Variants in DENND2B observed in about 807,000 individuals in gnomAD.
The protein encoded by DENND2B is DENN domain-containing protein 2B.
A neutral mutation model predicts 116.0 loss-of-function variants in DENND2B; 32 were observed. That is an observed-to-expected ratio of 0.28 (90% CI 0.21 to 0.37). DENND2B has a LOEUF of 0.37. Ranked by LOEUF, DENND2B falls within the 10% of genes least tolerant of loss-of-function variation. The probability of loss-of-function intolerance (pLI) is 1.00; values close to 1 mark genes in which losing one functional copy is unlikely to be tolerated. For missense variants in DENND2B, 1,276 were observed against 1,477.7 expected, an observed-to-expected ratio of 0.86 and a Z score of 2.24; for synonymous variants, 588 against 583.9, an observed-to-expected ratio of 1.01 and a Z score of -0.10.
At chr11:8,808,749 C>T (rs1335636738) in intron 1 of DENND2B, 2 of 152,136 alleles carry the variant, frequency 1.3e-5, no homozygotes, top group Non-Finnish European at 2.9e-5. Context: ...ACTGGCTCCT[C>T]CCAACAGTCC....
intron 5 of DENND2B, among the ~76,000 whole-genome samples, chr11:8,717,333 C>T (rs1039021332): frequency 1.3e-5 from 2 of 152,226 alleles, no homozygotes; most frequent in African/African-American, 2.4e-5. Flanking sequence ...GAGATGACTT[C>T]TGGCAGAGTT....
chr11:8,810,914 A>G (rs867184775), upstream of DENND2B: 3 of 182,478 alleles, frequency 1.6e-5, no homozygotes, highest in Non-Finnish European at 3.3e-5. Context: ...CACTCCTCCT[A>G]CCTCCCTTCC....
intron 2 of DENND2B, among the ~76,000 whole-genome samples, chr11:8,746,291 A>G (rs947490297): frequency 2.0e-5 from 3 of 152,226 alleles, no homozygotes; most frequent in African/African-American, 7.2e-5. Flanking sequence ...ATTTCACTGT[A>G]TCACAAACTG....
intron 1 of DENND2B, among the ~76,000 whole-genome samples, chr11:8,795,569 C>T (rs1018049953): frequency 6.6e-6 from 1 of 152,116 alleles, no homozygotes; most frequent in African/African-American, 2.4e-5. Flanking sequence ...GTTCTGATCC[C>T]GCCCACCCTG....
At chr11:8,870,509 ATGTG>A (rs35041188) in intron 2 of DENND2B, among the ~76,000 whole-genome samples, 21 of 150,032 alleles carry the variant, frequency 1.4e-4, no homozygotes, top group African/African-American at 2.2e-4. Context: ...GTGCGTGTGT[ATGTG>A]TGTGTGTGTG....
intron 1 of DENND2B, among the ~76,000 whole-genome samples, chr11:8,754,029 G>GTGCACACACACACA (rs1555169750): frequency 1.6e-4 from 22 of 138,734 alleles, no homozygotes; most frequent in Non-Finnish European, 2.9e-4. Context: ...CCAAAAGCGC[G>GTGCACACACACACA]CACACACACA....
intron 16 of DENND2B, among the ~76,000 whole-genome samples, chr11:8,698,137 C>CAAAAAAA (rs33975736): frequency 0.03 from 1,191 of 39,776 alleles, 108 homozygotes; most frequent in Middle Eastern, 0.071. Flanking sequence ...ACCCTGTCTC[C>CAAAAAAA]AAAAAAAAAA....
intron 1 of DENND2B, among the ~76,000 whole-genome samples, chr11:8,772,128 TACACAC>T (rs143227157): frequency 5.4e-5 from 8 of 147,250 alleles, no homozygotes; most frequent in East Asian, 4.0e-4. Context: ...ATGGAAGCTC[TACACAC>T]ACACACACAC....
intron 1 of DENND2B, among the ~76,000 whole-genome samples, chr11:8,889,775 T>A (rs1166547587): frequency 6.6e-6 from 1 of 152,132 alleles, no homozygotes; most frequent in Non-Finnish European, 1.5e-5. Context: ...CCACCGCAGC[T>A]CAAGGAGGCC....
At chr11:8,870,184 A>G (rs1380082291) in intron 2 of DENND2B, among the ~76,000 whole-genome samples, 2 of 152,344 alleles carry the variant, frequency 1.3e-5, no homozygotes, top group African/African-American at 2.4e-5. Flanking sequence ...TACTAAGGCA[A>G]ATTTTCTCAC....
In DENND2B at chr11:8,863,269, T is replaced by TC. The variant is rs1209613309; in HGVS notation, c.-249-5834_-249-5833insG. The stretch of plus-strand genomic sequence containing the variant: ...TTAACGCCACTTTCTTTTTTTTTTT[T>TC]TTTTTGAGACCGAGTCTTGCTCTGT... On this transcript the variant is annotated intron_variant, in intron 2 of 6. Coordinates refer to the DENND2B transcript ENST00000524757. Among the ~76,000 whole-genome samples the TC allele has an allele frequency of 8.0e-4, 120 of 149,294 alleles. 4 individuals carry two copies. The East Asian group carries it at 0.018, about 23-fold the overall frequency.
chr11:8,895,528 A>G (rs1412861032), intron 1 of DENND2B: 1 of 152,216 alleles, frequency 6.6e-6, no homozygotes, highest in Admixed American at 6.5e-5. Context: ...TATATGAGGT[A>G]CTTACAGTAG....
chr11:8,800,478 C>A (rs1037987909), intron 1 of DENND2B, among the ~76,000 whole-genome samples: 2 of 152,140 alleles, frequency 1.3e-5, no homozygotes, highest in Non-Finnish European at 2.9e-5. Flanking sequence ...TGGAAGCCTG[C>A]AGAAGTAAAA....
chr11:8,710,753 G>A (rs1216114426), intron 11 of DENND2B, 92 bp downstream of exon 11: 83 of 831,598 alleles, frequency 1.0e-4, no homozygotes, highest in African/African-American at 2.7e-4. Context: ...TTGCAGAAGG[G>A]CACACACACA....
chr11:8,868,079 C>T (rs1411176738), intron 2 of DENND2B, among the ~76,000 whole-genome samples: 2 of 152,092 alleles, frequency 1.3e-5, no homozygotes, highest in African/African-American at 4.8e-5. Flanking sequence ...GGCATTGATC[C>T]ACATACACAT....
intron 15 of DENND2B, 43 bp downstream of exon 15, chr11:8,699,169 TC>T (rs745776054): frequency 1.3e-6 from 2 of 1,527,948 alleles, no homozygotes; most frequent in Non-Finnish European, 1.8e-6. Flanking sequence ...AGCACCTGCT[TC>T]CCCCTCCACC....
intron 4 of DENND2B, among the ~76,000 whole-genome samples, chr11:8,831,064 G>A (rs1308998082): frequency 1.3e-5 from 2 of 152,132 alleles, no homozygotes; most frequent in African/African-American, 2.4e-5. Flanking sequence ...ACCCTGCCAG[G>A]GCACAGACAC....
At chr11:8,772,102 T>G (rs2056993674) in intron 1 of DENND2B, among the ~76,000 whole-genome samples, 1 of 149,114 alleles carries the variant, frequency 6.7e-6, no homozygotes, top group South Asian at 2.1e-4. Flanking sequence ...GGGAGGGTGG[T>G]GCACCCTGAG....
At chr11:8,900,698 G>A (rs1350137239) in intron 1 of DENND2B, among the ~76,000 whole-genome samples, 1 of 151,748 alleles carries the variant, frequency 6.6e-6, no homozygotes, top group Non-Finnish European at 1.5e-5. Context: ...CGGGTGCGGT[G>A]GCTCATGCCT....
Sources: allele counts gnomAD v4.1 joint callset (sites outside exome capture counted in the v4.1 genomes callset), GRCh38; gene constraint gnomAD v4.1.1; transcripts MANE v1.5; gene names NCBI Gene and HGNC (gene_info 2026-07-23, HGNC 2026-07-21).